The following AUTS2 variants were observed in gnomAD, a reference collection of about 807,000 sequenced individuals.
The protein encoded by AUTS2 is activator of transcription and developmental regulator AUTS2, also known as autism susceptibility gene 2 protein.
AUTS2 carries 17 observed loss-of-function variants against 112.4 expected under a neutral mutation model. The ratio of observed to expected loss-of-function variants is 0.15; its 90% CI spans 0.10 to 0.23. The LOEUF (loss-of-function observed/expected upper bound fraction) is 0.23, where lower values mean the gene tolerates loss of function less well. Ranked by LOEUF, AUTS2 falls within the 10% of genes least tolerant of loss-of-function variation. The pLI is 1.00. For synonymous variants in AUTS2, 751 were observed against 702.7 expected (o/e 1.07, Z -1.09); for missense variants, 1,510 against 1,701.6 (o/e 0.89, Z 1.98).
intron 5 of AUTS2, among the ~76,000 whole-genome samples, chr7:70,487,040 G>A (rs1798039573): frequency 6.6e-6 from 1 of 152,086 alleles, no homozygotes; most frequent in South Asian, 2.1e-4. Flanking sequence ...CTTGAGTGAG[G>A]TTGGCTGCTG....
chr7:70,635,626 G>A (rs1342882412), intron 5 of AUTS2, among the ~76,000 whole-genome samples: 1 of 152,228 alleles, frequency 6.6e-6, no homozygotes. Context: ...CTGGCAGTGG[G>A]AAGGAGAGAG....
intron 2 of AUTS2, among the ~76,000 whole-genome samples, chr7:70,001,495 G>T (rs1799190594): frequency 1.3e-5 from 2 of 152,088 alleles, no homozygotes; most frequent in Admixed American, 1.3e-4. Flanking sequence ...GGTTGGTATA[G>T]TGCTGAGTGA....
intron 4 of AUTS2, among the ~76,000 whole-genome samples, chr7:70,377,355 T>TATATATATAGTG (rs1793150429): frequency 3.4e-5 from 4 of 116,304 alleles, no homozygotes; most frequent in South Asian, 5.5e-4. Flanking sequence ...TATATATATA[T>TATATATATAGTG]ATATATATAT....
intron 5 of AUTS2, among the ~76,000 whole-genome samples, chr7:70,535,298 A>C (rs1800272603): frequency 6.6e-6 from 1 of 152,192 alleles, no homozygotes. Context: ...TATTGTTGTC[A>C]CTAATACCAA....
intron 1 of AUTS2, among the ~76,000 whole-genome samples, chr7:69,876,534 ATATATATATAT>A (rs1793809189): frequency 1.8e-5 from 1 of 55,152 alleles, no homozygotes; most frequent in Non-Finnish European, 3.9e-5. Context: ...ATATATATAT[ATATATATATAT>A]TTTCAGTGTT....
chr7:70,709,625 G>A (rs1448493732), intron 6 of AUTS2, among the ~76,000 whole-genome samples: 2 of 152,192 alleles, frequency 1.3e-5, no homozygotes, highest in East Asian at 3.9e-4. Context: ...GCACGAGAAT[G>A]GCTTGAGCCC....
At chr7:70,090,510 C>T (rs766632461) in intron 2 of AUTS2, among the ~76,000 whole-genome samples, 3 of 150,996 alleles carry the variant, frequency 2.0e-5, no homozygotes, top group Admixed American at 6.6e-5. Flanking sequence ...ACTACAGGTG[C>T]GCACCACCAT....
At chr7:69,798,989 TAA>T (rs796389146) in intron 1 of AUTS2, among the ~76,000 whole-genome samples, 1 of 140,810 alleles carries the variant, frequency 7.1e-6, no homozygotes. Flanking sequence ...AAACCTAGTC[TAA>T]AAAAAAAAAA....
At chr7:69,856,133 A>AT (rs1340260511) in intron 1 of AUTS2, among the ~76,000 whole-genome samples, 5 of 151,796 alleles carry the variant, frequency 3.3e-5, no homozygotes, top group East Asian at 1.9e-4. Context: ...TACATGCTTC[A>AT]TTTTTTTTAT....
chr7:69,599,523 C>G lies in AUTS2; in HGVS notation c.-131C>G, dbSNP rs1001380076. The stretch of plus-strand genomic sequence containing the variant: ...CTCTCTCCCTTCTTTCGGCCGCCGT[C>G]TCCCCCGCGCCCTCCTCGGGGCGGA... On this transcript the variant is annotated 5_prime_UTR_variant, in exon 1 of 19. Coordinates refer to ENST00000342771, the MANE Select transcript of AUTS2 (RefSeq NM_015570.4). This position sits in a 1 kb window ranked among gnomAD's most constrained non-coding sequence, Gnocchi z 7.0. The G allele has an allele frequency of 3.2e-5, 27 of 843,532 alleles. No homozygotes were observed. The highest frequency in any genetic ancestry group is 4.1e-5 in the Non-Finnish European group (26 of 639,352). The allele number at this position is 843,532 out of a possible 1,614,324, so 52.3% of individuals were successfully genotyped here.
At chr7:70,459,725 A>C (rs1356844043) in intron 5 of AUTS2, among the ~76,000 whole-genome samples, 1 of 152,206 alleles carries the variant, frequency 6.6e-6, no homozygotes, top group Middle Eastern at 3.2e-3. Flanking sequence ...GCTTCTTTGC[A>C]GCTCAAAGGG....
At chr7:69,770,994 G>A (rs1385834854) in intron 1 of AUTS2, among the ~76,000 whole-genome samples, 1 of 152,184 alleles carries the variant, frequency 6.6e-6, no homozygotes, top group Non-Finnish European at 1.5e-5. Context: ...AAAAAGAAAT[G>A]TGACTTCACC....
At chr7:69,938,510 C>G (rs530527990) in intron 2 of AUTS2, among the ~76,000 whole-genome samples, 54 of 152,294 alleles carry the variant, frequency 3.5e-4, no homozygotes, top group African/African-American at 1.3e-3. Flanking sequence ...ATGATTGTAT[C>G]CACCATTGTG....
At chr7:70,095,603 TA>T (rs1374439661) in intron 2 of AUTS2, among the ~76,000 whole-genome samples, 1 of 152,108 alleles carries the variant, frequency 6.6e-6, no homozygotes, top group Admixed American at 6.6e-5. Flanking sequence ...AGTAAAAAAA[TA>T]AAAAGATACA....
chr7:69,684,170 G>C (rs1160712897), intron 1 of AUTS2, among the ~76,000 whole-genome samples: 1 of 152,160 alleles, frequency 6.6e-6, no homozygotes, highest in Non-Finnish European at 1.5e-5. Context: ...AAGAGTCATG[G>C]GGAGGTGATT....
At chr7:70,163,068 G>A (rs538151959) in intron 4 of AUTS2, among the ~76,000 whole-genome samples, 6 of 151,972 alleles carry the variant, frequency 3.9e-5, no homozygotes, top group Non-Finnish European at 8.8e-5. Flanking sequence ...GTGACAGGGA[G>A]GGCTGGCTAG....
chr7:70,393,417 A>G (rs956364855), intron 4 of AUTS2, among the ~76,000 whole-genome samples: 5 of 151,904 alleles, frequency 3.3e-5, no homozygotes, highest in African/African-American at 7.3e-5. Flanking sequence ...CATCTGCCCC[A>G]TGGTCTAGTT....
At chr7:70,068,851 T>C (rs1802621102) in intron 2 of AUTS2, among the ~76,000 whole-genome samples, 1 of 152,228 alleles carries the variant, frequency 6.6e-6, no homozygotes, top group Non-Finnish European at 1.5e-5. Context: ...TTGTTTTGCC[T>C]TGGGCATCTG....
chr7:69,916,713 C>T (rs1159466328), intron 2 of AUTS2, among the ~76,000 whole-genome samples: 1 of 152,172 alleles, frequency 6.6e-6, no homozygotes, highest in Admixed American at 6.5e-5. Flanking sequence ...CCCATTCTTA[C>T]ATCCTATAGA....
Sources: allele counts gnomAD v4.1 joint callset (sites outside exome capture counted in the v4.1 genomes callset), GRCh38; gene constraint gnomAD v4.1.1; non-coding constraint Gnocchi (gnomAD v3.1); transcripts MANE v1.5; gene names NCBI Gene and HGNC (gene_info 2026-07-23, HGNC 2026-07-21).